Variants in ZNRF1 observed in about 807,000 individuals in gnomAD.
ZNRF1 encodes the protein E3 ubiquitin-protein ligase ZNRF1.
A neutral mutation model predicts 18.4 loss-of-function variants in ZNRF1; 3 were observed. The observed-to-expected ratio is 0.16, with a 90% confidence interval of 0.07 to 0.42. The LOEUF (loss-of-function observed/expected upper bound fraction) is 0.42, where lower values mean the gene tolerates loss of function less well. ZNRF1 is among the 10% of genes least tolerant of loss of function. The pLI, the probability that ZNRF1 is intolerant of heterozygous loss-of-function variation, is 0.99. For missense variants in ZNRF1, 310 were observed against 329.8 expected, an observed-to-expected ratio of 0.94 and a Z score of 0.47; for synonymous variants, 157 against 144.2, an observed-to-expected ratio of 1.09 and a Z score of -0.64.
chr16:74,999,912 G>A lies in ZNRF1; in HGVS notation c.241G>A (p.Asp81Asn), dbSNP rs2034816933. ...CACCCCCGCCTCCCGGGGCACCGGCGACTCCGAGAGGGCGCCCGGCGGCGG... is the reference window on the plus strand; with the variant it reads ...CACCCCCGCCTCCCGGGGCACCGGCAACTCCGAGAGGGCGCCCGGCGGCGG... Reference protein sequence around the residue: ...LYTPASRGTGDSERAPGGGGS... With the variant: ...LYTPASRGTGNSERAPGGGGS... The change falls in exon 1 of 5, where the codon GAC becomes AAC. Residue 81 changes from aspartate (D) to asparagine (N), a missense_variant. Around this residue, in one of 2 missense-constraint regions of ZNRF1, gnomAD observed 293 missense variants for 291.2 expected, o/e 1.01. Coordinates refer to ENST00000335325, the MANE Select transcript of ZNRF1 (RefSeq NM_032268.5). The A allele has an allele frequency of 6.4e-7, 1 of 1,551,068 alleles. No homozygotes were observed.
intron 1 of ZNRF1, among the ~76,000 whole-genome samples, chr16:75,026,971 C>T (rs1176055793): frequency 1.3e-5 from 2 of 151,790 alleles, no homozygotes; most frequent in Non-Finnish European, 2.9e-5. Context: ...TATTAAGTGC[C>T]CGGCACAGTT....
At chr16:75,024,943 T>G (rs1243377026) in intron 1 of ZNRF1, among the ~76,000 whole-genome samples, 2 of 152,222 alleles carry the variant, frequency 1.3e-5, no homozygotes, top group African/African-American at 4.8e-5. Flanking sequence ...GATGAATGGG[T>G]GTGTGTAAAG....
In ZNRF1 at chr16:75,069,539, G is replaced by T. The variant is rs111513015; in HGVS notation, c.425-24033G>T. The stretch of plus-strand genomic sequence containing the variant: ...AGCAATTCTTCTGCCTTAGCCTCTC[G>T]AGTAGCTGGAACTACAGGTGGGTGC... On this transcript the variant is annotated intron_variant, in intron 1 of 4. Coordinates refer to ENST00000335325, the MANE Select transcript of ZNRF1 (RefSeq NM_032268.5). 7.9e-3 allele frequency among the ~76,000 whole-genome samples: 1,203 copies of T among 152,194 alleles called. 8 individuals carry two copies. Among genetic ancestry groups the T allele is most frequent in the South Asian group, 0.011 (54 of 4,824 alleles).
chr16:75,044,203 G>A (rs529552154), intron 1 of ZNRF1, among the ~76,000 whole-genome samples: 6 of 152,088 alleles, frequency 3.9e-5, no homozygotes, highest in Admixed American at 2.6e-4. Context: ...CCTAGGTGTA[G>A]GACAGATAGA....
chr16:75,105,485 G>T (rs28410712), intron 3 of ZNRF1: 25,428 of 152,868 alleles, frequency 0.17, 3,067 homozygotes, highest in East Asian at 0.59. Flanking sequence ...ACAGGACACT[G>T]TGCTGCCTGG....
chr16:74,999,935 CG>C lies in ZNRF1; in HGVS notation c.266del (p.Gly89GlufsTer74). 1 of 1,565,380 alleles carries C rather than the reference CG, an allele frequency of 6.4e-7. No individual in the cohort carries two copies. The highest frequency in any genetic ancestry group is 8.6e-7 in the Non-Finnish European group (1 of 1,156,610). On this transcript the variant is annotated frameshift_variant, in exon 1 of 5. Transcript: ENST00000335325. LOFTEE classifies it high-confidence loss of function. ...GCGACTCCGAGAGGGCGCCCGGCGG[CG>C]GAGGGTCTGCGTCCGACTCCACCTA... ...TGDSERAPGG[G>X]GSASDSTYAH...
At chr16:75,017,412 C>T (rs1424044404) in intron 1 of ZNRF1, among the ~76,000 whole-genome samples, 2 of 152,120 alleles carry the variant, frequency 1.3e-5, no homozygotes, top group Non-Finnish European at 2.9e-5. Context: ...TTCAGACTTA[C>T]AGAAAAGTTG....
rs71158572 is a variant in ZNRF1, at chr16:75,010,719, G to GTTTTTTTTTTTTT, written c.424+10625_424+10637dup. ...CTGTACTGTTTTTTTTTGTTTTTTT[G>GTTTTTTTTTTTTT]TTTTTTTTTTTTTGAGGAGTCTCGC... On this transcript the variant is annotated intron_variant, in intron 1 of 4. Transcript: ENST00000335325. Among the ~76,000 whole-genome samples the GTTTTTTTTTTTTT allele has an allele frequency of 8.2e-5, 7 of 85,052 alleles. 1 individual carries two copies. Among genetic ancestry groups the GTTTTTTTTTTTTT allele is most frequent in the South Asian group, 3.1e-4 (1 of 3,220 alleles). The allele number at this position is 85,052 out of a possible 152,430, so 55.8% of individuals were successfully genotyped here.
At chr16:75,095,915 G>C (rs762546911) in intron 2 of ZNRF1, among the ~76,000 whole-genome samples, 1 of 152,104 alleles carries the variant, frequency 6.6e-6, no homozygotes, top group Non-Finnish European at 1.5e-5. Flanking sequence ...ACCGGGAGCC[G>C]GGCCCCCCTT....
rs1210628586 is a variant in ZNRF1 at position 74,999,830 on chromosome 16, G to C, written c.159G>C (p.Ser53=). The C allele has an allele frequency of 2.7e-6, 4 of 1,463,150 alleles. No individual in the cohort carries two copies. Among genetic ancestry groups the C allele is most frequent in the Admixed American group, 2.6e-5 (1 of 38,754 alleles). The allele number at this position is 1,463,150 out of a possible 1,614,324, so 90.6% of individuals were successfully genotyped here. ...AMGLRSRSVS[S]VAGMGMDPST... is the part of the protein sequence containing the mutation. ...GGCTGCGCAGCCGCTCGGTCAGCTC[G>C]GTGGCAGGCATGGGCATGGACCCCA... Residue 53 remains serine (S), a synonymous_variant, in exon 1 of 5, where the codon TCG becomes TCC. Transcript: ENST00000335325.
At chr16:75,030,111 A>G (rs2035282813) in intron 1 of ZNRF1, among the ~76,000 whole-genome samples, 1 of 151,968 alleles carries the variant, frequency 6.6e-6, no homozygotes, top group Non-Finnish European at 1.5e-5. Context: ...CACATACCAT[A>G]CAATTCACTC....
chr16:75,048,950 T>C (rs1372612367), intron 1 of ZNRF1, among the ~76,000 whole-genome samples: 1 of 152,208 alleles, frequency 6.6e-6, no homozygotes, highest in Admixed American at 6.5e-5. Context: ...TTTTTTTGTC[T>C]ACTTTGTCCT....
At chr16:75,002,808 A>AC (rs2072083368) in intron 1 of ZNRF1, among the ~76,000 whole-genome samples, 1 of 151,936 alleles carries the variant, frequency 6.6e-6, no homozygotes, top group Non-Finnish European at 1.5e-5. Flanking sequence ...CTGTGCTGTG[A>AC]CCCCCACGTA....
At chr16:75,018,169 T>C (rs2035095539) in intron 1 of ZNRF1, among the ~76,000 whole-genome samples, 1 of 152,236 alleles carries the variant, frequency 6.6e-6, no homozygotes, top group African/African-American at 2.4e-5. Flanking sequence ...ATATTTAATG[T>C]CACTGGATAA....
chr16:75,098,112 C>A (rs1316079256), intron 2 of ZNRF1, among the ~76,000 whole-genome samples: 1 of 152,224 alleles, frequency 6.6e-6, no homozygotes, highest in African/African-American at 2.4e-5. Context: ...GGTGTCTGTC[C>A]TGTTACTCCT....
chr16:75,069,017 A>G (rs1400356359), intron 1 of ZNRF1, among the ~76,000 whole-genome samples: 1 of 152,094 alleles, frequency 6.6e-6, no homozygotes, highest in Non-Finnish European at 1.5e-5. Context: ...TGCCCGAAGA[A>G]CACCAAAGGG....
In ZNRF1 at chr16:75,073,174, G is replaced by GTA. The variant is rs912775234; in HGVS notation, c.425-20387_425-20386dup. Among the ~76,000 whole-genome samples, 55 of 108,376 alleles carry GTA rather than the reference G, an allele frequency of 5.1e-4. No homozygotes were observed. The East Asian group carries it at 7.0e-3, about 14-fold the overall frequency. The allele number at this position is 108,376 out of a possible 152,430, so 71.1% of individuals were successfully genotyped here. On this transcript the variant is annotated intron_variant, in intron 1 of 4. Coordinates refer to ENST00000335325, the MANE Select transcript of ZNRF1 (RefSeq NM_032268.5). The stretch of plus-strand genomic sequence containing the variant: ...TCTCTGTCTCTCTGTCTATATATAT[G>GTA]TATATATATATACACACATAGATAT...
At chr16:75,019,794 G>A (rs557737171) in intron 1 of ZNRF1, among the ~76,000 whole-genome samples, 4 of 151,984 alleles carry the variant, frequency 2.6e-5, no homozygotes, top group African/African-American at 7.2e-5. Flanking sequence ...GTGCAGTCGC[G>A]GCTCACTGCA....
At chr16:75,094,309 G>A (rs1046834116) in intron 2 of ZNRF1, among the ~76,000 whole-genome samples, 4 of 152,136 alleles carry the variant, frequency 2.6e-5, no homozygotes, top group East Asian at 1.9e-4. Flanking sequence ...CCTCAGAGCC[G>A]AACAGTGAAT....
Sources: allele counts gnomAD v4.1 joint callset (sites outside exome capture counted in the v4.1 genomes callset), GRCh38; gene constraint gnomAD v4.1.1; regional missense constraint gnomAD v4.1.1; transcripts MANE v1.5; gene names NCBI Gene and HGNC (gene_info 2026-07-23, HGNC 2026-07-21).